Variants in ZSWIM6 observed in about 807,000 individuals in gnomAD.
The protein encoded by ZSWIM6 is zinc finger SWIM-type containing 6.
ZSWIM6 carries 9 observed loss-of-function variants against 113.2 expected under a neutral mutation model. The ratio of observed to expected loss-of-function variants is 0.08; its 90% CI spans 0.05 to 0.14. The LOEUF (loss-of-function observed/expected upper bound fraction) is 0.14, where lower values mean the gene tolerates loss of function less well. Ranked by LOEUF, ZSWIM6 falls within the 10% of genes least tolerant of loss-of-function variation. The pLI is 1.00. For synonymous variants in ZSWIM6, 611 were observed against 606.5 expected, an observed-to-expected ratio of 1.01 and a Z score of -0.11; for missense variants, 1,162 against 1,552.2, an observed-to-expected ratio of 0.75 and a Z score of 4.22.
At chr5:61,404,250 A>C (rs1196444381) in intron 1 of ZSWIM6, among the ~76,000 whole-genome samples, 1 of 152,188 alleles carries the variant, frequency 6.6e-6, no homozygotes, top group East Asian at 1.9e-4. Flanking sequence ...GTACCACCGG[A>C]AAACTTTCCT....
intron 1 of ZSWIM6, among the ~76,000 whole-genome samples, chr5:61,439,631 A>G (rs995557982): frequency 3.3e-5 from 5 of 152,084 alleles, no homozygotes; most frequent in African/African-American, 1.2e-4. Flanking sequence ...TATTTGTTCT[A>G]CTGTTGGTGG....
intron 1 of ZSWIM6, among the ~76,000 whole-genome samples, chr5:61,441,150 A>G (rs1005820635): frequency 7.9e-5 from 12 of 152,210 alleles, no homozygotes; most frequent in African/African-American, 2.7e-4. Flanking sequence ...GATTAGAGAT[A>G]ATCTACATGA....
intron 1 of ZSWIM6, chr5:61,347,300 C>T: frequency 5.7e-6 from 1 of 176,832 alleles, no homozygotes; most frequent in South Asian, 1.6e-4. Flanking sequence ...GCTAGGCCAT[C>T]ATCTTCTGTC....
At chr5:61,374,702 C>T (rs1487855616) in intron 1 of ZSWIM6, among the ~76,000 whole-genome samples, 2 of 151,692 alleles carry the variant, frequency 1.3e-5, no homozygotes, top group East Asian at 1.9e-4. Context: ...TACAGGCGCT[C>T]GCCACCACGC....
chr5:61,437,932 T>C (rs1746744323), intron 1 of ZSWIM6, among the ~76,000 whole-genome samples: 2 of 152,096 alleles, frequency 1.3e-5, no homozygotes, highest in Non-Finnish European at 2.9e-5. Context: ...TAATTGTTTA[T>C]TGTTAATCTA....
chr5:61,364,794 A>G (rs1399306196), intron 1 of ZSWIM6, among the ~76,000 whole-genome samples: 1 of 152,160 alleles, frequency 6.6e-6, no homozygotes, highest in African/African-American at 2.4e-5. Context: ...AATCCCATTC[A>G]TGAGGGTTCT....
At chr5:61,516,535 T>TTA (rs70977852) in intron 4 of ZSWIM6, among the ~76,000 whole-genome samples, 18,965 of 145,062 alleles carry the variant, frequency 0.13, 1,304 homozygotes, top group Middle Eastern at 0.17. Context: ...TATATATATC[T>TTA]TATATATATA....
chr5:61,452,831 T>G (rs1241008101), intron 1 of ZSWIM6, among the ~76,000 whole-genome samples: 1 of 152,210 alleles, frequency 6.6e-6, no homozygotes, highest in Non-Finnish European at 1.5e-5. Flanking sequence ...GGATACCATA[T>G]TGTATTTACT....
At position 61,467,230 on chromosome 5, in the gene ZSWIM6, GAA is replaced by G. The variant is rs372302749; in HGVS notation, c.677-5445_677-5444del. 2.6e-4 allele frequency among the ~76,000 whole-genome samples: 39 copies of G among 151,850 alleles called. No individual in the cohort carries two copies. The East Asian group carries it at 6.8e-3, about 26-fold the overall frequency. ...TATTTACTATGTTTGAAATTAAAAA[GAA>G]AAAAATATCTATATCAAATAACAGT... On this transcript the variant is annotated intron_variant, in intron 1 of 13. Coordinates refer to ENST00000252744, the MANE Select transcript of ZSWIM6 (RefSeq NM_020928.2).
chr5:61,534,025 G>T (rs1749512274), intron 9 of ZSWIM6, among the ~76,000 whole-genome samples: 1 of 152,090 alleles, frequency 6.6e-6, no homozygotes, highest in Non-Finnish European at 1.5e-5. Context: ...CCACCCTTAT[G>T]ACCTCATTTT....
chr5:61,341,027 C>T (rs1052953428), intron 1 of ZSWIM6, among the ~76,000 whole-genome samples: 2 of 152,214 alleles, frequency 1.3e-5, no homozygotes, highest in African/African-American at 4.8e-5. Context: ...AACATTGTGT[C>T]ACTATGTCAT....
intron 1 of ZSWIM6, among the ~76,000 whole-genome samples, chr5:61,411,336 G>A (rs1746144977): frequency 6.6e-6 from 1 of 152,154 alleles, no homozygotes; most frequent in Non-Finnish European, 1.5e-5. Flanking sequence ...CACATTTTGA[G>A]TTACAAAGGA....
chr5:61,337,605 C>G (rs183425742), intron 1 of ZSWIM6, among the ~76,000 whole-genome samples: 94 of 152,244 alleles, frequency 6.2e-4, no homozygotes, highest in African/African-American at 2.2e-3. Context: ...GAATACTATG[C>G]AACTATGAAA....
intron 4 of ZSWIM6, among the ~76,000 whole-genome samples, chr5:61,504,856 C>T (rs1462259473): frequency 2.0e-5 from 3 of 152,054 alleles, no homozygotes; most frequent in Non-Finnish European, 4.4e-5. Context: ...TTTATAGTGC[C>T]CTCAATTGTA....
chr5:61,484,690 G>A (rs1747968916), intron 2 of ZSWIM6, among the ~76,000 whole-genome samples: 2 of 152,184 alleles, frequency 1.3e-5, no homozygotes, highest in South Asian at 4.1e-4. Context: ...GCATCATTGT[G>A]TGTCCTTAAA....
intron 1 of ZSWIM6, among the ~76,000 whole-genome samples, chr5:61,440,828 C>T (rs956306801): frequency 6.6e-6 from 1 of 152,094 alleles, no homozygotes; most frequent in Non-Finnish European, 1.5e-5. Flanking sequence ...CTGGTAGGTA[C>T]TGGGGACACA....
intron 1 of ZSWIM6, among the ~76,000 whole-genome samples, chr5:61,333,593 G>A (rs1228968404): frequency 6.6e-6 from 1 of 151,904 alleles, no homozygotes; most frequent in African/African-American, 2.4e-5. Context: ...CTGGCCGCCC[G>A]GGGTTTAAAT....
At chr5:61,455,527 A>G (rs2112162317) in intron 1 of ZSWIM6, among the ~76,000 whole-genome samples, 1 of 152,326 alleles carries the variant, frequency 6.6e-6, no homozygotes, top group Non-Finnish European at 1.5e-5. Flanking sequence ...GAAGATTTAA[A>G]CCAGCATTTT....
intron 1 of ZSWIM6, among the ~76,000 whole-genome samples, chr5:61,460,838 A>C (rs1266197713): frequency 1.3e-5 from 2 of 151,936 alleles, no homozygotes; most frequent in East Asian, 1.9e-4. Context: ...CATAGGTTTC[A>C]TTCCGTTTTT....
Sources: allele counts gnomAD v4.1 joint callset (sites outside exome capture counted in the v4.1 genomes callset), GRCh38; gene constraint gnomAD v4.1.1; transcripts MANE v1.5; gene names NCBI Gene and HGNC (gene_info 2026-07-23, HGNC 2026-07-21).